SEMA6B: variants seen among roughly 807,000 people sequenced by gnomAD.
SEMA6B encodes the protein semaphorin-6B.
Under a neutral mutation model 78.6 loss-of-function variants are expected in SEMA6B, and 47 were observed. That is an observed-to-expected ratio of 0.60 (90% CI 0.47 to 0.76). The LOEUF (loss-of-function observed/expected upper bound fraction) is 0.76, where lower values mean the gene tolerates loss of function less well. Among genes scored for constraint, SEMA6B ranks in the 30% least tolerant of loss-of-function variants. SEMA6B has a pLI of 0.00. For synonymous variants in SEMA6B, 632 were observed against 592.2 expected (o/e 1.07, Z -0.98); for missense variants, 1,213 against 1,269.9 (o/e 0.96, Z 0.68).
chr19:4,555,338 C>T lies in SEMA6B; in HGVS notation c.562+136G>A, dbSNP rs552334761. Reference sequence around the variant, plus strand: ...ATCCCAGCTGAGCCCCAAACCTGGGCTGAGAGTCTGCCCATGTCACAGCTG... The same window carrying T: ...ATCCCAGCTGAGCCCCAAACCTGGGTTGAGAGTCTGCCCATGTCACAGCTG... On this transcript the variant is annotated intron_variant, in intron 7 of 16. Transcript: ENST00000586582. This position sits in a 1 kb window ranked among gnomAD's most constrained non-coding sequence, Gnocchi z 6.1. 2.4e-5 allele frequency: 21 copies of T among 867,262 alleles called. No homozygotes were observed. In the East Asian group the frequency reaches 5.3e-4, roughly 22 times the overall value. 53.7% of individuals were successfully genotyped at this position (867,262 alleles called of 1,614,324 possible).
At position 4,556,099 on chromosome 19, in the gene SEMA6B, G is replaced by A. The variant is rs374477488; in HGVS notation, c.370-10C>T. 94 of 1,603,564 alleles carry A rather than the reference G, an allele frequency of 5.9e-5. No individual in the cohort carries two copies. The African/African-American group carries it at 1.1e-3, about 18-fold the overall frequency. On this transcript the variant is annotated splice_polypyrimidine_tract_variant and intron_variant, in intron 5 of 16. Transcript: ENST00000586582. ...AGTTTCGACACTCGCCCTGAGGTGG[G>A]GACAGGAGGAAGCGGGGAGCGCGAT...
chr19:4,553,441 T>G (rs973469733), intron 9 of SEMA6B, among the ~76,000 whole-genome samples: 8 of 135,080 alleles, frequency 5.9e-5, no homozygotes, highest in African/African-American at 1.8e-4. Flanking sequence ...GATGGTTGGA[T>G]GGGTGAGTGG....
chr19:4,542,911 G>C lies in SEMA6B; in HGVS notation c.*690C>G, dbSNP rs370376709. On this transcript the variant is annotated 3_prime_UTR_variant, in exon 17 of 17. Transcript: ENST00000586582. ...CCGCTTCCCTCTGCAGAGTGGGGGG[G>C]GTTCAAACTCCTAACCGGCACCTCG... The C allele has an allele frequency of 1.4e-6, 1 of 701,174 alleles. No individual in the cohort carries two copies. The highest frequency in any genetic ancestry group is 2.7e-5 in the East Asian group (1 of 37,258). The allele number at this position is 701,174 out of a possible 1,614,324, so 43.4% of individuals were successfully genotyped here.
rs774865159 is a variant in SEMA6B at position 4,557,208 on chromosome 19, G to A, written c.261C>T (p.Arg87=). 3 of 1,592,276 alleles carry A rather than the reference G, an allele frequency of 1.9e-6. No homozygotes were observed. In the East Asian group the frequency reaches 6.7e-5, roughly 36 times the overall value. ...LFIGDRDNLY[R]VELEPPTSTE... Reference sequence around the variant, plus strand: ...TGGACGTGGGGGGCTCCAGCTCTACGCGGTAGAGGTTGTCCCTGGGGGAGG... The same window carrying A: ...TGGACGTGGGGGGCTCCAGCTCTACACGGTAGAGGTTGTCCCTGGGGGAGG... The change falls in exon 4 of 17, where the codon CGC becomes CGT. Residue 87 remains arginine (R), a synonymous_variant. Coordinates refer to ENST00000586582, the MANE Select transcript of SEMA6B (RefSeq NM_032108.4).
chr19:4,544,692 G>A lies in SEMA6B; in HGVS notation c.1739-163C>T, dbSNP rs893969076. Among the ~76,000 whole-genome samples, 1 of 152,168 alleles carries A rather than the reference G, an allele frequency of 6.6e-6. No individual in the cohort carries two copies. Among genetic ancestry groups the A allele is most frequent in the East Asian group, 1.9e-4 (1 of 5,170 alleles). On this transcript the variant is annotated intron_variant, in intron 16 of 16. Transcript: ENST00000586582. The surrounding 1 kb of genome is among the most constrained non-coding windows in gnomAD (Gnocchi z 5.1). ...CCTTTGTGTGCCAGGCTGGAGTGCAGTGGGGCGATCTCGATTCACTGCAAC... is the reference window on the plus strand; with the variant it reads ...CCTTTGTGTGCCAGGCTGGAGTGCAATGGGGCGATCTCGATTCACTGCAAC...
chr19:4,550,032 G>T lies in SEMA6B; in HGVS notation c.1271+91C>A. On this transcript the variant is annotated intron_variant, in intron 12 of 16. Coordinates refer to ENST00000586582, the MANE Select transcript of SEMA6B (RefSeq NM_032108.4). This position sits in a 1 kb window ranked among gnomAD's most constrained non-coding sequence, Gnocchi z 6.6. The stretch of plus-strand genomic sequence containing the variant: ...CTCTCTGGGCAGCGCCGGAAGCCAT[G>T]GGCTCATCTGTGTTGAGCATCTGGA... The T allele has an allele frequency of 1.5e-6, 2 of 1,302,548 alleles. No homozygotes were observed. The highest frequency in any genetic ancestry group is 2.2e-6 in the Non-Finnish European group (2 of 927,782). The allele number at this position is 1,302,548 out of a possible 1,614,324, so 80.7% of individuals were successfully genotyped here.
At position 4,544,120 on chromosome 19, in the gene SEMA6B, CG is replaced by C; in HGVS notation, c.2147del (p.Pro716ArgfsTer114). 1 of 1,273,052 alleles carries C rather than the reference CG, an allele frequency of 7.9e-7. No homozygotes were observed. The allele number at this position is 1,273,052 out of a possible 1,614,324, so 78.9% of individuals were successfully genotyped here. On this transcript the variant is annotated frameshift_variant, in exon 17 of 17. Coordinates refer to ENST00000586582, the MANE Select transcript of SEMA6B (RefSeq NM_032108.4). LOFTEE classifies it high-confidence loss of function. This position sits in a 1 kb window ranked among gnomAD's most constrained non-coding sequence, Gnocchi z 5.1. ...GGTGCGGAGTGGGCAGGCGCTTCTGCGGCAGCGGCGTCTGCTCGGGCGTGGG... is the reference window on the plus strand; with the variant it reads ...GGTGCGGAGTGGGCAGGCGCTTCTGCGCAGCGGCGTCTGCTCGGGCGTGGG... The part of the protein sequence containing the change: ...LLPTPEQTPL[P>X]QKRLPTPHPH...
chr19:4,554,511 A>T, intron 8 of SEMA6B, 35 bp from the exon 9 acceptor site: 2 of 1,548,366 alleles, frequency 1.3e-6, no homozygotes, highest in Non-Finnish European at 1.8e-6. Context: ...TCAGCCCCTG[A>T]CATGACAAAG....
intron 16 of SEMA6B, 161 bp downstream of exon 16, chr19:4,546,055 G>C: frequency 1.5e-6 from 1 of 686,520 alleles, no homozygotes; most frequent in Admixed American, 3.1e-5. Flanking sequence ...ACAGGCGTGA[G>C]CCACCGCGCC....
rs766856561 is a variant in SEMA6B at position 4,548,338 on chromosome 19, C to T, written c.1379G>A (p.Arg460Gln). ...EAGTVLKFLV[R>Q]PNASTSGTSG... ...CGTCCCTGAGGTGCTGGCATTGGGC[C>T]GGACGAGGAACTTGAGGACCGTCCC... The change falls in exon 13 of 17, where the codon CGG (arginine) becomes CAG (glutamine). Residue 460 changes from arginine (R) to glutamine (Q), a missense_variant. By Grantham distance (43) the Arg-to-Gln change is conservative. Transcript: ENST00000586582. 1.1e-5 allele frequency: 18 copies of T among 1,613,782 alleles called. No homozygotes were observed. Among genetic ancestry groups the T allele is most frequent in the South Asian group, 2.2e-5 (2 of 91,090 alleles).
chr19:4,557,929 C>T, intron 3 of SEMA6B, 97 bp downstream of exon 3: 1 of 1,095,482 alleles, frequency 9.1e-7, no homozygotes, highest in Non-Finnish European at 1.2e-6. Context: ...AGGCCCTGCA[C>T]GACCTGCTCC....
At position 4,550,176 on chromosome 19, in the gene SEMA6B, G is replaced by A. The variant is rs150361497; in HGVS notation, c.1218C>T (p.Asp406=). 1.4e-5 allele frequency: 22 copies of A among 1,613,766 alleles called. No homozygotes were observed. The highest frequency in any genetic ancestry group is 2.2e-5 in the East Asian group (1 of 44,866). ...LNFVKTHPLM[D]EAVPSLGHAP... ...CATGGCCCAGCGAGGGCACCGCCTC[G>A]TCCATCAGAGGGTGGGTCTTGACAA... The change falls in exon 12 of 17, where the codon GAC becomes GAT. Residue 406 remains aspartate (D), a synonymous_variant. Transcript: ENST00000586582. This position sits in a 1 kb window ranked among gnomAD's most constrained non-coding sequence, Gnocchi z 6.6.
At chr19:4,549,582 C>T (rs1226962752) in intron 12 of SEMA6B, among the ~76,000 whole-genome samples, 2 of 151,772 alleles carry the variant, frequency 1.3e-5, no homozygotes, top group East Asian at 3.9e-4. Context: ...GGGTTCATGC[C>T]ATTCTCCTGC....
rs539442794 is a variant in SEMA6B at position 4,552,229 on chromosome 19, C to T, written c.989+193G>A. 9.8e-5 allele frequency among the ~76,000 whole-genome samples: 15 copies of T among 152,300 alleles called. No individual in the cohort carries two copies. The highest frequency in any genetic ancestry group is 3.4e-4 in the African/African-American group (14 of 41,554). On this transcript the variant is annotated intron_variant, in intron 10 of 16. Coordinates refer to ENST00000586582, the MANE Select transcript of SEMA6B (RefSeq NM_032108.4). This position sits in a 1 kb window ranked among gnomAD's most constrained non-coding sequence, Gnocchi z 7.4. ...AGGCAGAGGATGAGGATATCTTTGG[C>T]CCAGTTCTGACCAAAGGGACTTAGA... is the stretch of plus-strand genomic sequence containing the variant.
intron 12 of SEMA6B, 151 bp downstream of exon 12, chr19:4,549,972 T>C: frequency 1.4e-6 from 1 of 717,986 alleles, no homozygotes; most frequent in Non-Finnish European, 2.3e-6. Context: ...CTAGTGTCTC[T>C]CCATCTTTCC....
At chr19:4,545,916 C>T (rs1350790943) in intron 16 of SEMA6B, 6 of 214,108 alleles carry the variant, frequency 2.8e-5, no homozygotes, top group African/African-American at 6.9e-5. Context: ...GGACTACAGG[C>T]GCCCGCCACC....
In SEMA6B at chr19:4,558,392, G is replaced by GC. The variant is rs1568259921; in HGVS notation, c.65dup (p.Ala23ArgfsTer7). 5 of 1,274,788 alleles carry GC rather than the reference G, an allele frequency of 3.9e-6. No individual in the cohort carries two copies. The highest frequency in any genetic ancestry group is 3.2e-5 in the South Asian group (1 of 30,980). The allele number at this position is 1,274,788 out of a possible 1,614,324, so 79.0% of individuals were successfully genotyped here. ...GCTCCTCAGGAAAGAGGCCGTGGGC[G>GC]CCCCCCAGTAGCAGCAGCAGAAGCA... On this transcript the variant is annotated frameshift_variant, in exon 2 of 17. Coordinates refer to ENST00000586582, the MANE Select transcript of SEMA6B (RefSeq NM_032108.4). LOFTEE classifies it high-confidence loss of function. This position sits in a 1 kb window ranked among gnomAD's most constrained non-coding sequence, Gnocchi z 5.1.
At chr19:4,557,836 G>C (rs1176843652) in intron 3 of SEMA6B, among the ~76,000 whole-genome samples, 190 bp downstream of exon 3, 1 of 152,004 alleles carries the variant, frequency 6.6e-6, no homozygotes, top group African/African-American at 2.4e-5. Context: ...ACCTGAGTCA[G>C]GTCCAGTCCT....
chr19:4,545,622 G>A (rs994211698), intron 16 of SEMA6B, among the ~76,000 whole-genome samples: 4 of 152,160 alleles, frequency 2.6e-5, no homozygotes, highest in African/African-American at 9.7e-5. Context: ...TTATAGGCAG[G>A]AGCTGCCGCG....
Sources: allele counts gnomAD v4.1 joint callset (sites outside exome capture counted in the v4.1 genomes callset), GRCh38; gene constraint gnomAD v4.1.1; non-coding constraint Gnocchi (gnomAD v3.1); transcripts MANE v1.5; gene names NCBI Gene and HGNC (gene_info 2026-07-23, HGNC 2026-07-21).